The following CSMD2 variants were observed in gnomAD, a reference collection of about 807,000 sequenced individuals.
CSMD2 encodes CUB and sushi domain-containing protein 2.
CSMD2 carries 130 observed loss-of-function variants against 398.5 expected under a neutral mutation model. That is an observed-to-expected ratio of 0.33 (90% CI 0.28 to 0.38). The LOEUF is 0.38. Ranked by LOEUF, CSMD2 falls within the 10% of genes least tolerant of loss-of-function variation. CSMD2 has a pLI of 1.00. For synonymous variants in CSMD2, 1,828 were observed against 1,908.5 expected, an observed-to-expected ratio of 0.96 and a Z score of 1.10; for missense variants, 3,829 against 4,764.9, an observed-to-expected ratio of 0.80 and a Z score of 5.78.
At chr1:33,811,803 T>G (rs1054017337) in intron 9 of CSMD2, among the ~76,000 whole-genome samples, 3 of 152,236 alleles carry the variant, frequency 2.0e-5, no homozygotes, top group Non-Finnish European at 4.4e-5. Context: ...TTAACGTTAG[T>G]GTTCAGCTAT....
chr1:33,527,389 A>C, intron 64 of CSMD2, 131 bp from the exon 65 acceptor site: 1 of 665,038 alleles, frequency 1.5e-6, no homozygotes, highest in East Asian at 2.8e-5. Flanking sequence ...TATTTTTTTT[A>C]GACCAGGAGG....
intron 2 of CSMD2, among the ~76,000 whole-genome samples, chr1:34,062,857 C>T (rs190237492): frequency 6.6e-6 from 1 of 152,168 alleles, no homozygotes; most frequent in African/African-American, 2.4e-5. Flanking sequence ...TGTATTAGTC[C>T]GTTTTCACAC....
intron 15 of CSMD2, among the ~76,000 whole-genome samples, chr1:33,727,959 T>A (rs1557800473): frequency 6.6e-6 from 1 of 152,202 alleles, no homozygotes; most frequent in Non-Finnish European, 1.5e-5. Flanking sequence ...AGTCAGGCAC[T>A]GAGCTTACAT....
chr1:34,059,315 A>G (rs7550329), intron 2 of CSMD2, among the ~76,000 whole-genome samples: 4,325 of 152,156 alleles, frequency 0.028, 214 homozygotes, highest in African/African-American at 0.099. Context: ...CTGTGCCTCA[A>G]AAGGCCACCA....
At chr1:33,933,079 T>C (rs1644362506) in intron 4 of CSMD2, among the ~76,000 whole-genome samples, 1 of 152,228 alleles carries the variant, frequency 6.6e-6, no homozygotes, top group Non-Finnish European at 1.5e-5. Context: ...TTTTAAGTCA[T>C]TTGCATTGCT....
intron 5 of CSMD2, among the ~76,000 whole-genome samples, chr1:33,859,423 G>A (rs1451028876): frequency 6.6e-6 from 1 of 152,166 alleles, no homozygotes; most frequent in Admixed American, 6.5e-5. Flanking sequence ...TCCTCTGACT[G>A]TGACACTCCT....
intron 3 of CSMD2, among the ~76,000 whole-genome samples, chr1:33,992,984 A>C (rs762039555): frequency 6.6e-6 from 1 of 152,228 alleles, no homozygotes; most frequent in Non-Finnish European, 1.5e-5. Context: ...ATGACATGAA[A>C]AAAAGCAAGT....
intron 55 of CSMD2, among the ~76,000 whole-genome samples, chr1:33,556,272 C>T (rs1441300663): frequency 6.6e-6 from 1 of 152,166 alleles, no homozygotes; most frequent in East Asian, 1.9e-4. Flanking sequence ...TTTCTGACCC[C>T]AAACTATTTG....
Position 34,165,215 on chromosome 1 carries a change from C to T in CSMD2, c.-118G>A. On this transcript the variant is annotated 5_prime_UTR_variant, in exon 1 of 71. Transcript: ENST00000373381. ...AATCCCGGTACGCGGGAGCCCTGAG[C>T]TTCTGCGGCTGGAATGAACCAAGTG... The T allele has an allele frequency of 1.7e-6, 2 of 1,167,956 alleles. No individual in the cohort carries two copies. Among genetic ancestry groups the T allele is most frequent in the Non-Finnish European group, 1.1e-6 (1 of 947,296 alleles). The allele number at this position is 1,167,956 out of a possible 1,614,324, so 72.3% of individuals were successfully genotyped here. A position where few individuals can be genotyped will look rare whatever the true frequency, so the allele number is the denominator to read the frequency against.
intron 53 of CSMD2, among the ~76,000 whole-genome samples, chr1:33,563,164 A>G (rs1321943534): frequency 6.6e-6 from 1 of 151,548 alleles, no homozygotes; most frequent in Non-Finnish European, 1.5e-5. Context: ...GACACATTCA[A>G]TTCATGTTGA....
chr1:33,522,140 G>C (rs939912135), intron 67 of CSMD2, among the ~76,000 whole-genome samples: 14 of 152,156 alleles, frequency 9.2e-5, no homozygotes, highest in African/African-American at 2.4e-4. Context: ...GTGCAGTCTG[G>C]GGCCGCAGCG....
At position 33,611,766 on chromosome 1, in the gene CSMD2, T is replaced by C. The variant is rs563117084; in HGVS notation, c.6134-516A>G. ...AAATAAAGTTTCTACTTTGGGATCT[T>C]AGTGAGTTAATCAAGACATTCTAGC... On this transcript the variant is annotated intron_variant, in intron 40 of 70. Coordinates refer to ENST00000373381, the MANE Select transcript of CSMD2 (RefSeq NM_001281956.2). Among the ~76,000 whole-genome samples the C allele has an allele frequency of 2.6e-5, 4 of 152,330 alleles. No homozygotes were observed. In the South Asian group the frequency reaches 8.3e-4, roughly 32 times the overall value.
At chr1:33,700,697 C>T (rs1403142861) in intron 22 of CSMD2, 24 bp from the exon 23 acceptor site, 2 of 1,613,640 alleles carry the variant, frequency 1.2e-6, no homozygotes, top group East Asian at 2.2e-5. Flanking sequence ...AGACCCCCAA[C>T]CCAATGTCGT....
At chr1:34,124,550 CTTG>C (rs1336124485) in intron 1 of CSMD2, among the ~76,000 whole-genome samples, 3 of 152,146 alleles carry the variant, frequency 2.0e-5, no homozygotes, top group African/African-American at 7.2e-5. Flanking sequence ...TTCATGTTGC[CTTG>C]TTTTCTCCCC....
intron 1 of CSMD2, among the ~76,000 whole-genome samples, chr1:34,149,958 CA>C (rs1057514854): frequency 1.1e-4 from 17 of 152,186 alleles, no homozygotes; most frequent in African/African-American, 4.1e-4. Flanking sequence ...GGGTTAAGAC[CA>C]GGGTCATCAG....
intron 5 of CSMD2, among the ~76,000 whole-genome samples, chr1:33,888,788 G>GTT (rs1228902880): frequency 1.9e-5 from 1 of 53,688 alleles, no homozygotes; most frequent in Non-Finnish European, 3.3e-5. Flanking sequence ...TTGTTGTTGA[G>GTT]ATGGAGTCTC....
chr1:34,145,468 C>G (rs1639681998), intron 1 of CSMD2, among the ~76,000 whole-genome samples: 1 of 152,194 alleles, frequency 6.6e-6, no homozygotes, highest in Admixed American at 6.5e-5. Flanking sequence ...GCTAATGAAC[C>G]TCCTCCCTGC....
chr1:34,025,225 G>T (rs79736661), intron 3 of CSMD2, among the ~76,000 whole-genome samples: 2 of 152,052 alleles, frequency 1.3e-5, no homozygotes, highest in African/African-American at 4.8e-5. Flanking sequence ...TGATATTACC[G>T]ATCTTCCATT....
At chr1:34,064,328 G>T (rs1298685447) in intron 2 of CSMD2, among the ~76,000 whole-genome samples, 2 of 152,072 alleles carry the variant, frequency 1.3e-5, no homozygotes, top group African/African-American at 4.8e-5. Flanking sequence ...TTTTGAAATG[G>T]AATGTTTTTA....
Sources: allele counts gnomAD v4.1 joint callset (sites outside exome capture counted in the v4.1 genomes callset), GRCh38; gene constraint gnomAD v4.1.1; transcripts MANE v1.5; gene names NCBI Gene and HGNC (gene_info 2026-07-23, HGNC 2026-07-21).